The following ARID1B variants were observed in gnomAD, a reference collection of about 807,000 sequenced individuals.
The protein encoded by ARID1B is AT-rich interactive domain-containing protein 1B.
A neutral mutation model predicts 212.3 loss-of-function variants in ARID1B; 30 were observed. The ratio of observed to expected loss-of-function variants is 0.14; its 90% CI spans 0.11 to 0.19. ARID1B has a LOEUF of 0.19. Among genes scored for constraint, ARID1B ranks in the 10% least tolerant of loss-of-function variants. The pLI is 1.00. For synonymous variants in ARID1B, 1,402 were observed against 1,301.7 expected, an observed-to-expected ratio of 1.08 and a Z score of -1.66; for missense variants, 2,891 against 3,204.0, an observed-to-expected ratio of 0.90 and a Z score of 2.36.
chr6:157,139,291 AC>A (rs1346588155), intron 7 of ARID1B, among the ~76,000 whole-genome samples: 5 of 152,176 alleles, frequency 3.3e-5, no homozygotes, highest in Non-Finnish European at 5.9e-5. Context: ...GGTGGGTGGC[AC>A]CTAGAGAGGC....
intron 5 of ARID1B, among the ~76,000 whole-genome samples, chr6:157,089,123 G>C (rs548107221): frequency 2.6e-4 from 40 of 152,260 alleles, no homozygotes; most frequent in Non-Finnish European, 5.3e-4. Context: ...CTGTTATGTA[G>C]CTGATAGCTG....
chr6:157,020,385 G>A (rs1431513505), intron 4 of ARID1B, among the ~76,000 whole-genome samples: 1 of 152,204 alleles, frequency 6.6e-6, no homozygotes, highest in East Asian at 1.9e-4. Flanking sequence ...CAGTCCATGG[G>A]CAGATCTTTT....
rs566865279 is a variant in ARID1B at position 157,200,899 on chromosome 6, G to A, written c.4674G>A (p.Pro1558=). The A allele has an allele frequency of 6.3e-5, 101 of 1,613,810 alleles. No individual in the cohort carries two copies. In the Admixed American group the frequency reaches 1.4e-3, roughly 22 times the overall value. ...ACAGCAGGGAGAGGATGCAGGGCCC[G>A]GGGCAGATCCAGACACACGGAATCC... ...YPYSRERMQG[P]GQIQTHGIPP... The change falls in exon 18 of 20, where the codon CCG becomes CCA. Residue 1558 remains proline, a synonymous_variant. Transcript: ENST00000636930. This position sits in a 1 kb window ranked among gnomAD's most constrained non-coding sequence, Gnocchi z 4.3.
intron 4 of ARID1B, among the ~76,000 whole-genome samples, chr6:157,007,245 G>T (rs2128444967): frequency 6.6e-6 from 1 of 152,222 alleles, no homozygotes. Flanking sequence ...CTTTCAGGAA[G>T]GTAGAAAAAT....
chr6:157,000,920 C>G (rs900552169), intron 4 of ARID1B, among the ~76,000 whole-genome samples: 6 of 152,092 alleles, frequency 3.9e-5, no homozygotes, highest in African/African-American at 1.4e-4. Context: ...GTCTCAAACT[C>G]CTGACCTCAA....
In ARID1B at chr6:157,208,973, G is replaced by A. The variant is rs1794649608; in HGVS notation, c.*1082G>A. 1 of 230,018 alleles carries A rather than the reference G, an allele frequency of 4.3e-6. No homozygotes were observed. The allele number at this position is 230,018 out of a possible 1,614,324, so 14.2% of individuals were successfully genotyped here. A position where few individuals can be genotyped will look rare whatever the true frequency, so the allele number is the denominator to read the frequency against. On this transcript the variant is annotated 3_prime_UTR_variant, in exon 20 of 20. Coordinates refer to ENST00000636930, the MANE Select transcript of ARID1B (RefSeq NM_001374828.1). The stretch of plus-strand genomic sequence containing the variant: ...ATCACAATTTGCTTCATGAATCAAG[G>A]TGTGGAAATGGTTATATATGGATTG...
intron 2 of ARID1B, among the ~76,000 whole-genome samples, chr6:156,886,009 G>A (rs900948515): frequency 6.6e-6 from 1 of 152,138 alleles, no homozygotes; most frequent in Admixed American, 6.5e-5. Context: ...GCTTATTGGA[G>A]CATCCAAGAT....
chr6:156,920,463 A>G (rs184024855), intron 3 of ARID1B, among the ~76,000 whole-genome samples: 14 of 152,360 alleles, frequency 9.2e-5, no homozygotes, highest in Admixed American at 9.1e-4. Context: ...AAACTATGAA[A>G]AATGAAATAA....
At chr6:156,950,668 ATT>A (rs536084168) in intron 4 of ARID1B, among the ~76,000 whole-genome samples, 267 of 152,272 alleles carry the variant, frequency 1.8e-3, no homozygotes, top group Non-Finnish European at 3.0e-3. Context: ...AGTCTTATTT[ATT>A]GAAGTTTAAA....
intron 3 of ARID1B, among the ~76,000 whole-genome samples, chr6:156,922,956 C>A (rs1028164170): frequency 6.6e-6 from 1 of 152,188 alleles, no homozygotes; most frequent in Non-Finnish European, 1.5e-5. Flanking sequence ...CGGAAGTAGT[C>A]TGCTTCTTGG....
intron 2 of ARID1B, among the ~76,000 whole-genome samples, chr6:156,892,315 C>A (rs755209747): frequency 6.6e-6 from 1 of 152,038 alleles, no homozygotes; most frequent in African/African-American, 2.4e-5. Flanking sequence ...TTTCAGTTTG[C>A]CCTGTTGCTC....
chr6:156,782,612 GC>G (rs1779357602), intron 1 of ARID1B, among the ~76,000 whole-genome samples: 1 of 152,168 alleles, frequency 6.6e-6, no homozygotes. Flanking sequence ...TAGCTAGCAT[GC>G]GAAGCAGGAA....
intron 8 of ARID1B, among the ~76,000 whole-genome samples, chr6:157,160,606 A>G (rs1265219627): frequency 6.6e-6 from 1 of 152,176 alleles, no homozygotes; most frequent in Non-Finnish European, 1.5e-5. Flanking sequence ...TGTCTTTAAA[A>G]TAAACATATT....
intron 8 of ARID1B, among the ~76,000 whole-genome samples, chr6:157,156,360 A>ATT (rs1211590528): frequency 6.6e-6 from 1 of 152,190 alleles, no homozygotes; most frequent in Non-Finnish European, 1.5e-5. Flanking sequence ...CTACGCTTTA[A>ATT]TTTTTAGCCC....
chr6:157,145,741 A>C (rs1490272285), intron 7 of ARID1B, among the ~76,000 whole-genome samples: 2 of 152,188 alleles, frequency 1.3e-5, no homozygotes, highest in Non-Finnish European at 2.9e-5. Context: ...ACACTCCAGG[A>C]TGCCTGGGCT....
chr6:157,026,858 G>A (rs1333037440), intron 4 of ARID1B, among the ~76,000 whole-genome samples: 1 of 152,062 alleles, frequency 6.6e-6, no homozygotes, highest in Non-Finnish European at 1.5e-5. Context: ...GGAGCAGAGT[G>A]GAATAGTGGT....
chr6:156,789,201 G>T (rs1779854601), intron 1 of ARID1B, among the ~76,000 whole-genome samples: 1 of 152,184 alleles, frequency 6.6e-6, no homozygotes, highest in Non-Finnish European at 1.5e-5. Context: ...GTTCTTTGGT[G>T]CTGTGACGTT....
chr6:157,067,137 A>G (rs955110777), intron 4 of ARID1B, among the ~76,000 whole-genome samples: 9 of 152,220 alleles, frequency 5.9e-5, no homozygotes, highest in Non-Finnish European at 1.3e-4. Flanking sequence ...CTTCTGTCTC[A>G]TTATAAACAA....
intron 5 of ARID1B, among the ~76,000 whole-genome samples, chr6:157,087,394 A>G (rs1018755475): frequency 6.6e-6 from 1 of 152,218 alleles, no homozygotes; most frequent in Non-Finnish European, 1.5e-5. Flanking sequence ...GATACTAGCC[A>G]TATAACCTTG....
Sources: gnomAD v4.1 joint callset for allele counts (sites outside exome capture counted in the v4.1 genomes callset) on GRCh38, gnomAD v4.1.1 for gene constraint, Gnocchi (gnomAD v3.1) non-coding constraint, MANE v1.5 for transcripts, NCBI Gene and HGNC (gene_info 2026-07-23, HGNC 2026-07-21) for gene names.